The following MACROD2 variants were observed in gnomAD, a reference collection of about 807,000 sequenced individuals.
MACROD2 encodes mono-ADP ribosylhydrolase 2, also known as ADP-ribose glycohydrolase MACROD2.
MACROD2 carries 36 observed loss-of-function variants against 70.4 expected under a neutral mutation model. The observed-to-expected ratio is 0.51, with a 90% CI of 0.39 to 0.68. The LOEUF (loss-of-function observed/expected upper bound fraction) is 0.68. Ranked by LOEUF, MACROD2 falls within the 30% of genes least tolerant of loss-of-function variation. The pLI is 0.00. For missense variants in MACROD2, 496 were observed against 538.4 expected, an observed-to-expected ratio of 0.92 and a Z score of 0.78; for synonymous variants, 172 against 178.8, an observed-to-expected ratio of 0.96 and a Z score of 0.30.
chr20:15,091,455 A>G (rs2075792736), intron 5 of MACROD2, among the ~76,000 whole-genome samples: 1 of 152,210 alleles, frequency 6.6e-6, no homozygotes, highest in Non-Finnish European at 1.5e-5. Context: ...AACTGTTTAA[A>G]AAAGAGTTTA....
chr20:15,014,489 A>G (rs1384392195), intron 5 of MACROD2, among the ~76,000 whole-genome samples: 1 of 152,160 alleles, frequency 6.6e-6, no homozygotes, highest in Non-Finnish European at 1.5e-5. Context: ...CACGTGCACT[A>G]TACGTTGGAG....
chr20:14,867,769 T>C (rs925059379), intron 5 of MACROD2, among the ~76,000 whole-genome samples: 1 of 152,140 alleles, frequency 6.6e-6, no homozygotes, highest in Non-Finnish European at 1.5e-5. Context: ...CAGTGCACTT[T>C]GGGAGGTCCT....
At chr20:14,675,024 T>C (rs947340819) in intron 4 of MACROD2, among the ~76,000 whole-genome samples, 1 of 152,144 alleles carries the variant, frequency 6.6e-6, no homozygotes, top group African/African-American at 2.4e-5. Context: ...AAAAACTGTT[T>C]AGAAAATCAT....
chr20:14,710,401 A>G (rs1038714582), intron 5 of MACROD2, among the ~76,000 whole-genome samples: 5 of 152,226 alleles, frequency 3.3e-5, no homozygotes, highest in African/African-American at 1.2e-4. Flanking sequence ...AGTGATTTAA[A>G]TAGCATTTAA....
intron 8 of MACROD2, among the ~76,000 whole-genome samples, chr20:15,645,955 C>T (rs1375885191): frequency 6.6e-6 from 1 of 152,182 alleles, no homozygotes; most frequent in African/African-American, 2.4e-5. Context: ...GTATTATTTG[C>T]TGTTCACAAA....
intron 5 of MACROD2, among the ~76,000 whole-genome samples, chr20:15,088,040 A>G (rs1241870316): frequency 1.3e-5 from 2 of 151,978 alleles, no homozygotes; most frequent in Admixed American, 1.3e-4. Flanking sequence ...TAGGGAAATG[A>G]TCATTGTCAT....
At chr20:14,388,680 G>C (rs2083493473) in intron 3 of MACROD2, among the ~76,000 whole-genome samples, 1 of 152,114 alleles carries the variant, frequency 6.6e-6, no homozygotes, top group South Asian at 2.1e-4. Flanking sequence ...GCCATCTGCA[G>C]CCGCAGACCT....
chr20:14,938,940 ATTT>A lies in MACROD2; in HGVS notation c.418+254001_418+254003del, dbSNP rs1230863391. 8.1e-5 allele frequency among the ~76,000 whole-genome samples: 7 copies of A among 86,454 alleles called. 1 individual carries two copies. Among genetic ancestry groups the A allele is most frequent in the Non-Finnish European group, 1.3e-4 (5 of 39,686 alleles). The allele number at this position is 86,454 out of a possible 152,430, so 56.7% of individuals were successfully genotyped here. A position where few individuals can be genotyped will look rare whatever the true frequency, so the allele number is the denominator to read the frequency against. The stretch of plus-strand genomic sequence containing the variant: ...GATATTTTTTTCATTGTTAAATCAG[ATTT>A]TTTTTTTTTTTTTTTTTTTACTATT... On this transcript the variant is annotated intron_variant, in intron 5 of 17. Transcript: ENST00000684519.
chr20:14,753,756 A>G (rs555017199), intron 5 of MACROD2, among the ~76,000 whole-genome samples: 4 of 152,214 alleles, frequency 2.6e-5, no homozygotes, highest in East Asian at 1.9e-4. Flanking sequence ...TTGAGTTAAA[A>G]TGGGTAATAT....
At chr20:15,733,536 A>G (rs1600819521) in intron 8 of MACROD2, among the ~76,000 whole-genome samples, 1 of 152,224 alleles carries the variant, frequency 6.6e-6, no homozygotes, top group African/African-American at 2.4e-5. Flanking sequence ...TTATGGCATC[A>G]TAAAAAAATT....
chr20:14,628,993 C>T (rs1984352707), intron 4 of MACROD2: 1 of 152,156 alleles, frequency 6.6e-6, no homozygotes, highest in Non-Finnish European at 1.5e-5. Flanking sequence ...GAATTAGACA[C>T]ATTATATTTA....
chr20:14,215,266 A>G (rs1223527227), intron 3 of MACROD2, among the ~76,000 whole-genome samples: 1 of 150,798 alleles, frequency 6.6e-6, no homozygotes, highest in East Asian at 1.9e-4. Flanking sequence ...ATTCCATCAT[A>G]TATATATGTT....
chr20:15,835,545 A>G (rs191242989), intron 8 of MACROD2, among the ~76,000 whole-genome samples: 1 of 152,272 alleles, frequency 6.6e-6, no homozygotes, highest in Non-Finnish European at 1.5e-5. Context: ...ATTAGTAATA[A>G]TATCATTGGT....
intron 3 of MACROD2, among the ~76,000 whole-genome samples, chr20:14,142,590 G>A (rs1319738578): frequency 6.6e-6 from 1 of 152,036 alleles, no homozygotes; most frequent in Non-Finnish European, 1.5e-5. Flanking sequence ...TTATTATTTT[G>A]CTACATAAGA....
intron 6 of MACROD2, among the ~76,000 whole-genome samples, chr20:15,293,507 C>T (rs1274247323): frequency 1.3e-5 from 2 of 152,000 alleles, no homozygotes; most frequent in South Asian, 4.1e-4. Flanking sequence ...AACAACTAAA[C>T]AAAAAAAGAA....
intron 3 of MACROD2, among the ~76,000 whole-genome samples, chr20:14,475,377 A>T (rs961515458): frequency 2.6e-5 from 4 of 152,144 alleles, no homozygotes; most frequent in Non-Finnish European, 5.9e-5. Context: ...CATATTAAAG[A>T]TACAAGTGGT....
At chr20:14,562,522 CA>C (rs1223129751) in intron 4 of MACROD2, among the ~76,000 whole-genome samples, 1 of 55,744 alleles carries the variant, frequency 1.8e-5, no homozygotes, top group Non-Finnish European at 3.3e-5. Context: ...AGGATGATTG[CA>C]CCCACAACAC....
chr20:14,349,172 A>G (rs2083094735), intron 3 of MACROD2, among the ~76,000 whole-genome samples: 1 of 149,682 alleles, frequency 6.7e-6, no homozygotes, highest in Non-Finnish European at 1.5e-5. Flanking sequence ...AATATTTACA[A>G]CTTGTACCTA....
chr20:15,075,593 C>T (rs1247284440), intron 5 of MACROD2, among the ~76,000 whole-genome samples: 1 of 152,148 alleles, frequency 6.6e-6, no homozygotes, highest in African/African-American at 2.4e-5. Context: ...TAGTTTCTAT[C>T]CACTCAAAAG....
Sources: allele counts gnomAD v4.1 joint callset (sites outside exome capture counted in the v4.1 genomes callset), GRCh38; gene constraint gnomAD v4.1.1; transcripts MANE v1.5; gene names NCBI Gene and HGNC (gene_info 2026-07-23, HGNC 2026-07-21).